The following PRKCH variants were observed in gnomAD, a reference collection of about 807,000 sequenced individuals.
The protein encoded by PRKCH is protein kinase C eta.
Under a neutral mutation model 82.5 loss-of-function variants are expected in PRKCH, and 28 were observed. That is an observed-to-expected ratio of 0.34 (90% CI 0.25 to 0.47). The LOEUF is 0.47. Among genes scored for constraint, PRKCH ranks in the 20% least tolerant of loss-of-function variants. The pLI is 1.00. For missense variants in PRKCH, 705 were observed against 881.8 expected (o/e 0.80, Z 2.54); for synonymous variants, 322 against 327.4 (o/e 0.98, Z 0.18).
chr14:61,502,676 C>T (rs138183445), intron 10 of PRKCH, among the ~76,000 whole-genome samples: 37 of 152,198 alleles, frequency 2.4e-4, no homozygotes, highest in East Asian at 1.9e-3. Context: ...TCTCTATGGG[C>T]GCTGTCCCAA....
intron 10 of PRKCH, among the ~76,000 whole-genome samples, chr14:61,504,674 G>A (rs951266845): frequency 1.2e-4 from 19 of 152,240 alleles, no homozygotes; most frequent in African/African-American, 3.6e-4. Context: ...TTCTCCTCTC[G>A]TTCAGAAATA....
At chr14:61,487,428 C>T (rs1218359667) in intron 10 of PRKCH, among the ~76,000 whole-genome samples, 1 of 152,122 alleles carries the variant, frequency 6.6e-6, no homozygotes, top group East Asian at 1.9e-4. Context: ...TTTTCCCACT[C>T]TCCACTTTCT....
intron 2 of PRKCH, among the ~76,000 whole-genome samples, chr14:61,400,766 A>G (rs1030735230): frequency 8.5e-5 from 13 of 152,252 alleles, no homozygotes; most frequent in Middle Eastern, 3.4e-3. Flanking sequence ...ACCATGCTAT[A>G]TATTATTCCA....
intron 1 of PRKCH, among the ~76,000 whole-genome samples, chr14:61,334,849 G>A (rs576364347): frequency 6.6e-6 from 1 of 152,116 alleles, no homozygotes; most frequent in East Asian, 1.9e-4. Flanking sequence ...AGCTTTGGGT[G>A]CTTTTTAAAT....
intron 1 of PRKCH, among the ~76,000 whole-genome samples, chr14:61,259,269 A>G (rs2045024857): frequency 6.6e-6 from 1 of 152,184 alleles, no homozygotes; most frequent in South Asian, 2.1e-4. Context: ...TGGTAAGTAG[A>G]GCAGAGTGAC....
chr14:61,511,216 A>G (rs1163267051), intron 10 of PRKCH, among the ~76,000 whole-genome samples: 1 of 152,150 alleles, frequency 6.6e-6, no homozygotes, highest in Non-Finnish European at 1.5e-5. Flanking sequence ...GGGATCATTA[A>G]CTGTCTCCAT....
At chr14:61,238,817 G>A (rs887726422) in intron 1 of PRKCH, among the ~76,000 whole-genome samples, 7 of 151,474 alleles carry the variant, frequency 4.6e-5, no homozygotes, top group Non-Finnish European at 7.3e-5. Context: ...GTGAAGGGAA[G>A]CTGTGACAAC....
At chr14:61,363,007 TG>T (rs1277953726) in intron 1 of PRKCH, among the ~76,000 whole-genome samples, 5 of 152,260 alleles carry the variant, frequency 3.3e-5, no homozygotes, top group African/African-American at 1.2e-4. Flanking sequence ...TCTTGAACAA[TG>T]GGTAGGACTT....
intron 1 of PRKCH, among the ~76,000 whole-genome samples, chr14:61,357,019 A>G (rs1282973964): frequency 6.6e-6 from 1 of 152,166 alleles, no homozygotes; most frequent in African/African-American, 2.4e-5. Context: ...GAACCCTCCC[A>G]AGAGTAAAAT....
chr14:61,343,014 C>T (rs1428066117), intron 1 of PRKCH, among the ~76,000 whole-genome samples: 1 of 152,150 alleles, frequency 6.6e-6, no homozygotes, highest in East Asian at 1.9e-4. Flanking sequence ...TCCATGGATC[C>T]GATATTGTTC....
chr14:61,401,308 A>G (rs1256876585), intron 2 of PRKCH, among the ~76,000 whole-genome samples: 1 of 152,156 alleles, frequency 6.6e-6, no homozygotes, highest in African/African-American at 2.4e-5. Context: ...TGATAGCTCT[A>G]TTTGCCTTTT....
chr14:61,252,137 C>T (rs1385204385), intron 1 of PRKCH, among the ~76,000 whole-genome samples: 2 of 152,156 alleles, frequency 1.3e-5, no homozygotes, highest in Admixed American at 6.5e-5. Context: ...CGTGCCCAGC[C>T]GAGGGTCTTA....
chr14:61,494,647 G>A (rs1886586702), intron 10 of PRKCH, among the ~76,000 whole-genome samples: 1 of 152,210 alleles, frequency 6.6e-6, no homozygotes, highest in African/African-American at 2.4e-5. Flanking sequence ...TTTGGAACAT[G>A]CCGTGTCAAT....
intron 12 of PRKCH, among the ~76,000 whole-genome samples, chr14:61,532,510 C>G (rs562085629): frequency 7.9e-5 from 12 of 152,228 alleles, no homozygotes; most frequent in African/African-American, 2.9e-4. Flanking sequence ...TTTTAGAAGT[C>G]CTCAACCTCA....
At chr14:61,507,692 A>AT (rs1242691556) in intron 10 of PRKCH, among the ~76,000 whole-genome samples, 1 of 152,174 alleles carries the variant, frequency 6.6e-6, no homozygotes, top group Admixed American at 6.5e-5. Flanking sequence ...ATACTGCATG[A>AT]TCTCACTCAT....
chr14:61,515,285 A>G (rs766237658), intron 10 of PRKCH, among the ~76,000 whole-genome samples: 5 of 152,158 alleles, frequency 3.3e-5, no homozygotes, highest in Non-Finnish European at 7.3e-5. Context: ...GAGATTTGAA[A>G]TTCTCCAGAA....
chr14:61,517,912 A>G (rs1011177477), intron 10 of PRKCH, among the ~76,000 whole-genome samples: 2 of 152,214 alleles, frequency 1.3e-5, no homozygotes, highest in Non-Finnish European at 2.9e-5. Context: ...AGAATCTGCC[A>G]TGGCTCTTTG....
intron 1 of PRKCH, 90 bp from the exon 2 acceptor site, chr14:61,391,135 C>A: frequency 1.0e-6 from 1 of 999,660 alleles, no homozygotes; most frequent in Non-Finnish European, 1.5e-6. Flanking sequence ...CTGTGATTTA[C>A]ACATTAGGCC....
At chr14:61,193,849 C>T (rs1400585863) in intron 1 of PRKCH, among the ~76,000 whole-genome samples, 1 of 152,214 alleles carries the variant, frequency 6.6e-6, no homozygotes, top group Non-Finnish European at 1.5e-5. Flanking sequence ...CCCTGTTTCT[C>T]TTAAGGCACA....
Sources: gnomAD v4.1 joint callset for allele counts (sites outside exome capture counted in the v4.1 genomes callset) on GRCh38, gnomAD v4.1.1 for gene constraint, MANE v1.5 for transcripts, NCBI Gene and HGNC (gene_info 2026-07-23, HGNC 2026-07-21) for gene names.